Variants in KCNC1 observed in about 807,000 individuals in gnomAD.
KCNC1 encodes the protein potassium voltage-gated channel subfamily C member 1.
Under a neutral mutation model 43.4 loss-of-function variants are expected in KCNC1, and 8 were observed. The observed-to-expected ratio is 0.18, with a 90% confidence interval of 0.11 to 0.33. KCNC1 has a LOEUF of 0.33. Ranked by LOEUF, KCNC1 falls within the 10% of genes least tolerant of loss-of-function variation. KCNC1 has a pLI of 1.00. For missense variants in KCNC1, 420 were observed against 836.0 expected (o/e 0.50, Z 6.14); for synonymous variants, 361 against 360.5 (o/e 1.00, Z -0.01).
At chr11:17,747,986 C>G (rs1476960467) in intron 1 of KCNC1, among the ~76,000 whole-genome samples, 1 of 152,230 alleles carries the variant, frequency 6.6e-6, no homozygotes, top group Non-Finnish European at 1.5e-5. Flanking sequence ...GGGCTGCTGT[C>G]AGCACCAATT....
chr11:17,755,691 G>A (rs1849015751), intron 1 of KCNC1, among the ~76,000 whole-genome samples: 1 of 152,118 alleles, frequency 6.6e-6, no homozygotes, highest in African/African-American at 2.4e-5. Flanking sequence ...GGGGGTGGGG[G>A]TGGCACAGGA....
At chr11:17,749,655 C>T (rs117323833) in intron 1 of KCNC1, among the ~76,000 whole-genome samples, 2 of 152,220 alleles carry the variant, frequency 1.3e-5, no homozygotes, top group African/African-American at 2.4e-5. Flanking sequence ...TGCTGGGCCA[C>T]CTGGAGTGAG....
chr11:17,763,946 C>T (rs1312988012), intron 1 of KCNC1, among the ~76,000 whole-genome samples: 1 of 140,024 alleles, frequency 7.1e-6, no homozygotes, highest in Non-Finnish European at 1.5e-5. Context: ...CACACACACA[C>T]ACACCCACAC....
intron 1 of KCNC1, among the ~76,000 whole-genome samples, chr11:17,753,456 T>A (rs1848990343): frequency 6.6e-6 from 1 of 152,220 alleles, no homozygotes; most frequent in Non-Finnish European, 1.5e-5. Flanking sequence ...CTGGCTGGGC[T>A]GTCAGTCAGG....
intron 1 of KCNC1, among the ~76,000 whole-genome samples, chr11:17,770,338 G>A (rs1474617372): frequency 6.6e-6 from 1 of 152,258 alleles, no homozygotes; most frequent in African/African-American, 2.4e-5. Flanking sequence ...GCTAGGCAGG[G>A]AGAAGGGGGA....
In KCNC1 at chr11:17,776,412, G is replaced by A. The variant is rs563725846; in HGVS notation, c.1505-3044G>A. ...ACCCCAGCCCCGCGTGCGCCCCTCC[G>A]GTGCCCGCAGCTGGTGTGAACAGTA... is the stretch of plus-strand genomic sequence containing the variant. On this transcript the variant is annotated intron_variant, in intron 2 of 3. Transcript: ENST00000265969. This position sits in a 1 kb window ranked among gnomAD's most constrained non-coding sequence, Gnocchi z 4.4. 18 of 985,296 alleles carry A rather than the reference G, an allele frequency of 1.8e-5. No individual in the cohort carries two copies. Among genetic ancestry groups the A allele is most frequent in the South Asian group, 1.4e-4 (3 of 21,282 alleles). The allele number at this position is 985,296 out of a possible 1,614,324, so 61.0% of individuals were successfully genotyped here.
intron 1 of KCNC1, among the ~76,000 whole-genome samples, chr11:17,765,229 G>A (rs1339732860): frequency 1.3e-5 from 2 of 152,224 alleles, no homozygotes; most frequent in East Asian, 1.9e-4. Flanking sequence ...CCACGTTACA[G>A]TCATCGCCTT....
intron 1 of KCNC1, among the ~76,000 whole-genome samples, chr11:17,737,595 G>C (rs1245408283): frequency 5.3e-5 from 8 of 152,270 alleles, no homozygotes; most frequent in Admixed American, 2.6e-4. Context: ...CAGTGACTGA[G>C]CCCAAAAAGA....
intron 1 of KCNC1, among the ~76,000 whole-genome samples, chr11:17,770,889 A>G (rs1463726101): frequency 1.3e-5 from 2 of 152,148 alleles, no homozygotes; most frequent in Non-Finnish European, 2.9e-5. Flanking sequence ...TCCCTGGTGC[A>G]ATTCTCCTCC....
At chr11:17,743,691 T>C (rs1848866536) in intron 1 of KCNC1, among the ~76,000 whole-genome samples, 1 of 152,220 alleles carries the variant, frequency 6.6e-6, no homozygotes, top group Non-Finnish European at 1.5e-5. Flanking sequence ...CCTTCTGCCC[T>C]GGAACCCAGC....
chr11:17,737,632 G>A (rs1848783669), intron 1 of KCNC1, among the ~76,000 whole-genome samples: 1 of 152,156 alleles, frequency 6.6e-6, no homozygotes, highest in Non-Finnish European at 1.5e-5. Context: ...ACCCACCCTG[G>A]AAGAGACACT....
In KCNC1 at chr11:17,771,787, G is replaced by T. The variant is rs752437957; in HGVS notation, c.693G>T (p.Thr231=). ...AGATCGAGAACGTTCGCAATGGCACGCAAGTGCGCTACTACCGGGAGGCCG... is the reference window on the plus strand; with the variant it reads ...AGATCGAGAACGTTCGCAATGGCACTCAAGTGCGCTACTACCGGGAGGCCG... The part of the protein sequence containing the change: ...KTEIENVRNG[T]QVRYYREAET... Residue 231 remains threonine, a synonymous_variant, in exon 2 of 4, where the codon ACG becomes ACT. Transcript: ENST00000265969. The surrounding 1 kb of genome is among the most constrained non-coding windows in gnomAD (Gnocchi z 4.7). 1 of 1,614,250 alleles carries T rather than the reference G, an allele frequency of 6.2e-7. No individual in the cohort carries two copies. Among genetic ancestry groups the T allele is most frequent in the South Asian group, 1.1e-5 (1 of 91,090 alleles).
chr11:17,739,673 CTG>C lies in KCNC1; in HGVS notation c.570+3129_570+3130del, dbSNP rs10534547. 0.27 allele frequency among the ~76,000 whole-genome samples: 37,811 copies of C among 142,222 alleles called. 5,051 individuals are homozygous for C. Among genetic ancestry groups the C allele is most frequent in the Admixed American group, 0.34 (4,830 of 14,230 alleles). The allele number at this position is 142,222 out of a possible 152,430, so 93.3% of individuals were successfully genotyped here. On this transcript the variant is annotated intron_variant, in intron 1 of 3. Transcript: ENST00000265969. The surrounding 1 kb of genome is among the most constrained non-coding windows in gnomAD (Gnocchi z 4.2). The stretch of plus-strand genomic sequence containing the variant: ...GTATATGTGGAGCTCATGTGTGAGT[CTG>C]TGTGTGTGTGTGTGTGTGTGTGTGT...
rs138355357 is a variant in KCNC1, at chr11:17,775,985, G to A, written c.1504+3387G>A. 3.9e-5 allele frequency: 38 copies of A among 985,328 alleles called. No individual in the cohort carries two copies. In the South Asian group the frequency reaches 6.1e-4, roughly 16 times the overall value. 61.0% of individuals were successfully genotyped at this position (985,328 alleles called of 1,614,324 possible). The stretch of plus-strand genomic sequence containing the variant: ...CCAGTGAGTGGTGCTATCCATGGAG[G>A]GGGGAGGGAGCTGGGCAGCGCTGAC... On this transcript the variant is annotated intron_variant, in intron 2 of 3. Transcript: ENST00000265969.
chr11:17,776,218 T>TTC lies in KCNC1; in HGVS notation c.1505-3227_1505-3226dup. ...TTCTCTCTCTCTCCACTAATCATGT[T>TTC]TCTCTCTCTCTCCTCGTTTTGTTGC... On this transcript the variant is annotated intron_variant, in intron 2 of 3. Transcript: ENST00000265969. This position sits in a 1 kb window ranked among gnomAD's most constrained non-coding sequence, Gnocchi z 4.4. 4 of 985,366 alleles carry TTC rather than the reference T, an allele frequency of 4.1e-6. No individual in the cohort carries two copies. Among genetic ancestry groups the TTC allele is most frequent in the Non-Finnish European group, 4.8e-6 (4 of 829,890 alleles). The allele number at this position is 985,366 out of a possible 1,614,324, so 61.0% of individuals were successfully genotyped here.
chr11:17,746,216 C>T (rs1189141721), intron 1 of KCNC1, among the ~76,000 whole-genome samples: 1 of 152,170 alleles, frequency 6.6e-6, no homozygotes, highest in African/African-American at 2.4e-5. Context: ...AAGGCTGGGG[C>T]AGCGCTAGTA....
chr11:17,778,282 CT>C (rs1849307211), intron 2 of KCNC1, among the ~76,000 whole-genome samples: 1 of 152,236 alleles, frequency 6.6e-6, no homozygotes, highest in African/African-American at 2.4e-5. Context: ...GCTCCTTGCT[CT>C]GGCCAAAGTT....
chr11:17,778,784 T>C (rs1849314156), intron 2 of KCNC1, among the ~76,000 whole-genome samples: 2 of 145,740 alleles, frequency 1.4e-5, no homozygotes, highest in African/African-American at 5.1e-5. Flanking sequence ...GCCTAGCCTG[T>C]ATGGGGAACA....
chr11:17,770,438 C>A (rs1253180992), intron 1 of KCNC1, among the ~76,000 whole-genome samples: 2 of 152,198 alleles, frequency 1.3e-5, no homozygotes, highest in Non-Finnish European at 2.9e-5. Flanking sequence ...GCCCATCCAC[C>A]CAGGGCAGGG....
Sources: gnomAD v4.1 joint callset for allele counts (sites outside exome capture counted in the v4.1 genomes callset) on GRCh38, gnomAD v4.1.1 for gene constraint, Gnocchi (gnomAD v3.1) non-coding constraint, MANE v1.5 for transcripts, NCBI Gene and HGNC (gene_info 2026-07-23, HGNC 2026-07-21) for gene names.